Variants in FGF1 observed in about 807,000 individuals in gnomAD.
FGF1 encodes beta-endothelial cell growth factor.
In FGF1, 9 loss-of-function variants were observed where a neutral mutation model predicts 13.4. The observed-to-expected ratio is 0.67, with a 90% CI of 0.40 to 1.17. The LOEUF (loss-of-function observed/expected upper bound fraction) is 1.17. Among genes scored for constraint, FGF1 ranks in the 50% most tolerant of loss-of-function variants. The pLI is 0.01. For synonymous variants in FGF1, 93 were observed against 79.0 expected, an observed-to-expected ratio of 1.18 and a Z score of -0.94; for missense variants, 156 against 192.7, an observed-to-expected ratio of 0.81 and a Z score of 1.13.
chr5:142,612,379 A>G (rs758915075), intron 2 of FGF1, among the ~76,000 whole-genome samples: 1 of 152,202 alleles, frequency 6.6e-6, no homozygotes, highest in East Asian at 1.9e-4. Context: ...CCCAAGGAAC[A>G]TATCATGAAG....
chr5:142,695,346 G>A (rs922183569), intron 2 of FGF1, among the ~76,000 whole-genome samples: 9 of 152,068 alleles, frequency 5.9e-5, no homozygotes, highest in African/African-American at 1.9e-4. Flanking sequence ...AAGCCGAGGT[G>A]GGGGTGGATC....
chr5:142,649,628 C>T lies in FGF1; in HGVS notation c.-34-35467G>A, dbSNP rs556764307. Among the ~76,000 whole-genome samples the T allele has an allele frequency of 3.3e-5, 5 of 152,012 alleles. No homozygotes were observed. The East Asian group carries it at 9.7e-4, about 29-fold the overall frequency. Reference sequence around the variant, plus strand: ...TTCTCCATGTTAGCCAGGATGGTCTCAATCTCCTGACCTCATGATCCGCCC... The same window carrying T: ...TTCTCCATGTTAGCCAGGATGGTCTTAATCTCCTGACCTCATGATCCGCCC... On this transcript the variant is annotated intron_variant, in intron 1 of 3. Coordinates refer to ENST00000337706, the MANE Select transcript of FGF1 (RefSeq NM_000800.5).
At chr5:142,606,244 G>GTGTGTGTGTGTGTGTA (rs757287377) in intron 2 of FGF1, among the ~76,000 whole-genome samples, 11 of 147,860 alleles carry the variant, frequency 7.4e-5, no homozygotes, top group African/African-American at 2.8e-4. Flanking sequence ...GTGTGTGTGT[G>GTGTGTGTGTGTGTGTA]TATGTAGTTT....
At chr5:142,680,024 T>C (rs954617702) in intron 1 of FGF1, 7 of 152,258 alleles carry the variant, frequency 4.6e-5, no homozygotes, top group African/African-American at 1.7e-4. Flanking sequence ...CCTTGGCTAG[T>C]AGATGGCCAT....
intron 1 of FGF1, among the ~76,000 whole-genome samples, chr5:142,664,257 C>A (rs1242440428): frequency 6.6e-6 from 1 of 152,206 alleles, no homozygotes; most frequent in Non-Finnish European, 1.5e-5. Flanking sequence ...AGGCGCCCCC[C>A]ACCTCCCAGG....
chr5:142,641,411 A>G (rs925396912), intron 1 of FGF1, among the ~76,000 whole-genome samples: 8 of 151,980 alleles, frequency 5.3e-5, no homozygotes, highest in African/African-American at 1.7e-4. Flanking sequence ...CTATATATTC[A>G]GAATGTTTTT....
At chr5:142,627,165 G>A (rs986264238) in intron 1 of FGF1, 6 of 152,144 alleles carry the variant, frequency 3.9e-5, no homozygotes, top group African/African-American at 1.4e-4. Flanking sequence ...CGGAGCATTT[G>A]GGATGAATAA....
At chr5:142,659,056 G>T (rs1768682831) in intron 1 of FGF1, among the ~76,000 whole-genome samples, 1 of 152,128 alleles carries the variant, frequency 6.6e-6, no homozygotes, top group Admixed American at 6.5e-5. Context: ...GTGTTGGCGT[G>T]TGTTGGGGGA....
chr5:142,634,195 GA>G (rs1230194595), intron 1 of FGF1, among the ~76,000 whole-genome samples: 97 of 102,422 alleles, frequency 9.5e-4, no homozygotes, highest in African/African-American at 3.3e-3. Context: ...TCCATCTCAA[GA>G]AAAAAAAAAA....
At chr5:142,685,235 C>T (rs1375761761) in intron 1 of FGF1, among the ~76,000 whole-genome samples, 1 of 152,050 alleles carries the variant, frequency 6.6e-6, no homozygotes, top group East Asian at 1.9e-4. Flanking sequence ...CGGAGGGGTA[C>T]TGAAACGAGG....
chr5:142,618,413 C>T (rs1044532486), intron 1 of FGF1, among the ~76,000 whole-genome samples: 1 of 152,104 alleles, frequency 6.6e-6, no homozygotes, highest in African/African-American at 2.4e-5. Context: ...TCTCATCCTG[C>T]CTCTCACACA....
intron 2 of FGF1, among the ~76,000 whole-genome samples, chr5:142,694,357 A>T (rs577860705): frequency 5.5e-4 from 84 of 152,272 alleles, no homozygotes; most frequent in African/African-American, 1.9e-3. Context: ...CTGCCACAGG[A>T]TATTGTAAAG....
chr5:142,674,080 G>T (rs986293543), intron 1 of FGF1, among the ~76,000 whole-genome samples: 5 of 152,132 alleles, frequency 3.3e-5, no homozygotes, highest in African/African-American at 4.8e-5. Flanking sequence ...TGTGCCTGGT[G>T]CCCCTTGTTC....
intron 1 of FGF1, among the ~76,000 whole-genome samples, chr5:142,617,737 A>G (rs1178953021): frequency 6.6e-6 from 1 of 152,208 alleles, no homozygotes; most frequent in Non-Finnish European, 1.5e-5. Context: ...CAGCTGAAAC[A>G]TATAAAAAAT....
In FGF1 at chr5:142,645,907, T is replaced by G. The variant is rs577853431; in HGVS notation, c.-34-31746A>C. ...TTCTCTCCCTTACTTTGTTTTTTTG[T>G]TTTTTTTGTTTGTTTGTTTTAGACG... On this transcript the variant is annotated intron_variant, in intron 1 of 3. Transcript: ENST00000337706. Among the ~76,000 whole-genome samples the G allele has an allele frequency of 1.5e-3, 223 of 151,950 alleles. 1 individual carries two copies. The highest frequency in any genetic ancestry group is 5.3e-3 in the African/African-American group (219 of 41,426).
In FGF1 at chr5:142,674,405, G is replaced by T. The variant is rs537818572; in HGVS notation, c.-35+11552C>A. Among the ~76,000 whole-genome samples, 6 of 152,330 alleles carry T rather than the reference G, an allele frequency of 3.9e-5. No homozygotes were observed. In the East Asian group the frequency reaches 1.2e-3, roughly 29 times the overall value. ...TAAATATGAAAGGAAGGGAGGCAGG[G>T]AGGGAGAAAGTCCCTGGAGAGGGGG... is the stretch of plus-strand genomic sequence containing the variant. On this transcript the variant is annotated intron_variant, in intron 1 of 3. Coordinates refer to ENST00000337706, the MANE Select transcript of FGF1 (RefSeq NM_000800.5).
chr5:142,600,612 T>G, intron 3 of FGF1, 90 bp downstream of exon 3: 1 of 849,194 alleles, frequency 1.2e-6, no homozygotes, highest in Non-Finnish European at 2.1e-6. Flanking sequence ...GACTAATTGT[T>G]GCTTTATAGT....
chr5:142,599,480 TC>T (rs1335677194), intron 3 of FGF1, among the ~76,000 whole-genome samples: 1 of 152,040 alleles, frequency 6.6e-6, no homozygotes, highest in Non-Finnish European at 1.5e-5. Context: ...AGACTAAAAT[TC>T]CCCCTACTGA....
intron 1 of FGF1, among the ~76,000 whole-genome samples, chr5:142,620,167 C>T (rs528420230): frequency 5.9e-5 from 9 of 151,936 alleles, no homozygotes; most frequent in Admixed American, 4.6e-4. Context: ...CCTGTAATCC[C>T]ACCACTTTGG....
Sources: allele counts gnomAD v4.1 joint callset (sites outside exome capture counted in the v4.1 genomes callset), GRCh38; gene constraint gnomAD v4.1.1; transcripts MANE v1.5; gene names NCBI Gene and HGNC (gene_info 2026-07-23, HGNC 2026-07-21).